TFR2: variants seen among roughly 807,000 people sequenced by gnomAD.
The protein encoded by TFR2 is transferrin receptor protein 2.
Under a neutral mutation model 91.9 loss-of-function variants are expected in TFR2, and 64 were observed. That is an observed-to-expected ratio of 0.70 (90% CI 0.57 to 0.86). TFR2 has a LOEUF of 0.86. Ranked by LOEUF, TFR2 falls within the 40% of genes least tolerant of loss-of-function variation. TFR2 has a pLI of 0.00. For synonymous variants in TFR2, 454 were observed against 459.6 expected (o/e 0.99, Z 0.15); for missense variants, 950 against 1,080.5 (o/e 0.88, Z 1.69).
intron 10 of TFR2, 85 bp from the exon 11 acceptor site, chr7:100,628,391 G>T (rs1803330030): frequency 3.0e-6 from 4 of 1,347,050 alleles, no homozygotes; most frequent in Non-Finnish European, 4.2e-6. Context: ...GGTCCCCCAG[G>T]GTCTCTGTTT....
chr7:100,629,458 A>G, intron 9 of TFR2, 86 bp from the exon 10 acceptor site: 1 of 1,598,324 alleles, frequency 6.3e-7, no homozygotes, highest in Admixed American at 1.7e-5. Flanking sequence ...CTCTCAGCCC[A>G]TCACAATTCC....
At chr7:100,639,734 T>C (rs4729600) in intron 3 of TFR2, 131,729 of 151,448 alleles carry the variant, frequency 0.87, 57,559 homozygotes, top group African/African-American at 0.95. Flanking sequence ...GACCTAGCTT[T>C]TGGATCTGCA....
Position 100,627,922 on chromosome 7 carries a change from C to G in TFR2, c.1590G>C (p.Glu530Asp). The G allele has an allele frequency of 6.2e-7, 1 of 1,614,094 alleles. No individual in the cohort carries two copies. The highest frequency in any genetic ancestry group is 8.5e-7 in the Non-Finnish European group (1 of 1,179,978). Residue 530 changes from glutamate (E) to aspartate (D), a missense_variant, in exon 13 of 18, where the codon GAG (glutamate) becomes GAC (aspartate). Coordinates refer to ENST00000223051, the MANE Select transcript of TFR2 (RefSeq NM_003227.4). ...KTSPLLTSLI[E>D]SVLKQVDSPN... ...GTGCTCTTGCCTGCTTCAGGACACT[C>G]TCAATGAGACTTGTCAGAAGGGGGC...
chr7:100,632,716 C>G (rs1215510622), intron 6 of TFR2: 1 of 254,260 alleles, frequency 3.9e-6, no homozygotes, highest in Non-Finnish European at 6.6e-6. Flanking sequence ...GCCCAGCTAA[C>G]TAAAAAAAAA....
intron 6 of TFR2, 135 bp from the exon 7 acceptor site, chr7:100,632,333 C>T (rs1803464812): frequency 1.2e-6 from 1 of 831,054 alleles, no homozygotes; most frequent in Non-Finnish European, 2.0e-6. Context: ...ACTACCTGGC[C>T]TGTGTCTTCC....
In TFR2 at chr7:100,626,808, C is replaced by A; in HGVS notation, c.2091G>T (p.Glu697Asp). Residue 697 changes from glutamate to aspartate, a missense_variant, in exon 17 of 18, where the codon GAG (glutamate) becomes GAT (aspartate). By Grantham distance (45) the Glu-to-Asp change is conservative (BLOSUM62 2). Coordinates refer to ENST00000223051, the MANE Select transcript of TFR2 (RefSeq NM_003227.4). Reference sequence around the variant, plus strand: ...ACATGCGTGTCAGTCGCTCGTCTCTCTCCTCCGAGCTGTAGATCTCCTGCC... The same window carrying A: ...ACATGCGTGTCAGTCGCTCGTCTCTATCCTCCGAGCTGTAGATCTCCTGCC... ...KLRQEIYSSE[E>D]RDERLTRMYN... is the part of the protein sequence containing the mutation. The A allele has an allele frequency of 1.3e-6, 2 of 1,549,110 alleles. No individual in the cohort carries two copies.
intron 3 of TFR2, among the ~76,000 whole-genome samples, chr7:100,635,432 A>AATTATC (rs1554364138): frequency 6.3e-5 from 9 of 143,454 alleles, no homozygotes; most frequent in African/African-American, 1.8e-4. Context: ...TTTTTTAAAA[A>AATTATC]ATTATTATTA....
rs751078792 is a variant in TFR2, at chr7:100,630,859, G to A, written c.1270+30C>T. The A allele has an allele frequency of 1.2e-5, 20 of 1,611,714 alleles. No homozygotes were observed. The East Asian group carries it at 4.0e-4, about 32-fold the overall frequency. ...CAGAAATTCCCCCAGCCCACCACCA[G>A]CTGTGAGTGATACTGGACACACAGC... On this transcript the variant is annotated intron_variant, in intron 9 of 17. Transcript: ENST00000223051.
Position 100,627,274 on chromosome 7 carries a change from C to T in TFR2, c.1985G>A (p.Gly662Glu). 1 of 1,549,176 alleles carries T rather than the reference C, an allele frequency of 6.5e-7. No individual in the cohort carries two copies. Among genetic ancestry groups the T allele is most frequent in the Non-Finnish European group, 8.7e-7 (1 of 1,146,756 alleles). The change falls in exon 16 of 18, where the codon GGG becomes GAG. Residue 662 changes from glycine (G) to glutamate (E), a missense_variant. Physicochemically the swap from Gly to Glu is moderately conservative, Grantham distance 98 (BLOSUM62 -2). Coordinates refer to ENST00000223051, the MANE Select transcript of TFR2 (RefSeq NM_003227.4). ...GTGGGCCTCTTGAACCTTGAGGTCC[C>T]CAGAGAACTCGTTGAGGTTCCCGAT... ...RHIGNLNEFS[G>E]DLKARGLTLQ...
chr7:100,631,297 AAG>A (rs922147249), intron 8 of TFR2, among the ~76,000 whole-genome samples: 1 of 140,772 alleles, frequency 7.1e-6, no homozygotes, highest in African/African-American at 2.7e-5. Flanking sequence ...GTCCATCCAG[AAG>A]AGTCACTTTT....
intron 3 of TFR2, among the ~76,000 whole-genome samples, chr7:100,634,281 C>T (rs1803532818): frequency 6.6e-6 from 1 of 152,040 alleles, no homozygotes; most frequent in Non-Finnish European, 1.5e-5. Context: ...TCCTCATCTC[C>T]CCCATCCTCC....
intron 3 of TFR2, among the ~76,000 whole-genome samples, chr7:100,637,430 C>CA (rs1047510638): frequency 6.7e-6 from 1 of 149,754 alleles, no homozygotes. Flanking sequence ...AAAAAACAAA[C>CA]AAAAAAATCA....
chr7:100,641,071 G>A lies in TFR2; in HGVS notation c.191C>T (p.Ser64Phe), dbSNP rs200249435. Reference protein sequence around the residue: ...MELRGPEPLGSRPRQPNLIPW... With the variant: ...MELRGPEPLGFRPRQPNLIPW... ...AATGAGGTTTGGCTGCCTGGGTCTA[G>A]AGCCCAGGGGCTCAGGGCCCCTCAG... Residue 64 changes from serine to phenylalanine, a missense_variant, in exon 2 of 18, where the codon TCT becomes TTT. Transcript: ENST00000223051. The A allele has an allele frequency of 1.2e-6, 2 of 1,603,160 alleles. No homozygotes were observed. The highest frequency in any genetic ancestry group is 2.2e-5 in the East Asian group (1 of 44,654).
chr7:100,635,348 C>G (rs747564626), intron 3 of TFR2, among the ~76,000 whole-genome samples: 1 of 150,748 alleles, frequency 6.6e-6, no homozygotes, highest in Non-Finnish European at 1.5e-5. Flanking sequence ...CTCAAGCCAT[C>G]CTCCTGCCTC....
chr7:100,626,926 G>A lies in TFR2; in HGVS notation c.1996-23C>T, dbSNP rs1427929090. On this transcript the variant is annotated intron_variant, in intron 16 of 17. Coordinates refer to ENST00000223051, the MANE Select transcript of TFR2 (RefSeq NM_003227.4). Reference sequence around the variant, plus strand: ...GGCCTGGGGTGGGGAGGCGCGGGCTGGGGCTGGCGGCAGGGGCCAGGACCC... The same window carrying A: ...GGCCTGGGGTGGGGAGGCGCGGGCTAGGGCTGGCGGCAGGGGCCAGGACCC... 6 of 1,530,724 alleles carry A rather than the reference G, an allele frequency of 3.9e-6. No homozygotes were observed. In the African/African-American group the frequency reaches 6.9e-5, roughly 18 times the overall value. The allele number at this position is 1,530,724 out of a possible 1,614,324, so 94.8% of individuals were successfully genotyped here.
chr7:100,627,706 C>G (rs749077194), intron 14 of TFR2, 38 bp downstream of exon 14: 2 of 1,613,968 alleles, frequency 1.2e-6, no homozygotes, highest in Non-Finnish European at 1.7e-6. Context: ...CAGGCTCCCC[C>G]ACATCCCTCC....
At chr7:100,637,004 G>A (rs369333883) in intron 3 of TFR2, among the ~76,000 whole-genome samples, 20 of 152,258 alleles carry the variant, frequency 1.3e-4, no homozygotes, top group African/African-American at 4.1e-4. Context: ...CATGGCTTAC[G>A]CCTGTAATCC....
In TFR2 at chr7:100,628,249, CT is replaced by C; in HGVS notation, c.1447del (p.Ser483AlafsTer8). 1 of 1,613,918 alleles carries C rather than the reference CT, an allele frequency of 6.2e-7. No homozygotes were observed. Among genetic ancestry groups the C allele is most frequent in the Non-Finnish European group, 8.5e-7 (1 of 1,179,946 alleles). On this transcript the variant is annotated frameshift_variant, in exon 11 of 18. Transcript: ENST00000223051. LOFTEE classifies it high-confidence loss of function. ...CTCTAGCCACTCCGTGGAGCCCACG[CT>C]TCCAAAGTCACCACCGTCCCAGCTG... ...FISWDGGDFG[S>X]VGSTEWLEGY...
In TFR2 at chr7:100,633,141, G is replaced by A. The variant is rs199498865; in HGVS notation, c.727-18C>T. 6.2e-6 allele frequency: 10 copies of A among 1,613,262 alleles called. No individual in the cohort carries two copies. The highest frequency in any genetic ancestry group is 1.7e-5 in the Admixed American group (1 of 59,990). ...AGCTCTCCCTGGGGACACGAGGACG[G>A]TGAGGCGCGCTCCCCGCGTCCCTCC... On this transcript the variant is annotated intron_variant, in intron 5 of 17. Coordinates refer to ENST00000223051, the MANE Select transcript of TFR2 (RefSeq NM_003227.4).
Sources: gnomAD v4.1 joint callset for allele counts (sites outside exome capture counted in the v4.1 genomes callset) on GRCh38, gnomAD v4.1.1 for gene constraint, MANE v1.5 for transcripts, NCBI Gene and HGNC (gene_info 2026-07-23, HGNC 2026-07-21) for gene names.